ELAC2: variants seen among roughly 807,000 people sequenced by gnomAD.
ELAC2 encodes the protein zinc phosphodiesterase ELAC protein 2.
A neutral mutation model predicts 105.2 loss-of-function variants in ELAC2; 92 were observed. The ratio of observed to expected loss-of-function variants is 0.87; its 90% CI spans 0.74 to 1.04. The LOEUF is 1.04. Ranked by LOEUF, ELAC2 falls within the 50% of genes least tolerant of loss-of-function variation. The pLI, the probability that ELAC2 is intolerant of heterozygous loss-of-function variation, is 0.00. For missense variants in ELAC2, 1,099 were observed against 1,071.7 expected (o/e 1.03, Z -0.36); for synonymous variants, 468 against 409.1 (o/e 1.14, Z -1.74).
At chr17:13,006,386 A>C in intron 8 of ELAC2, 1 of 233,486 alleles carries the variant, frequency 4.3e-6, no homozygotes, top group Non-Finnish European at 8.6e-6. Context: ...AAAAATAAAA[A>C]ATAAAATGAT....
chr17:13,014,456 A>G lies in ELAC2; in HGVS notation c.473T>C (p.Leu158Ser). ...AGACGTACCCAGTTCTATTCCTTTC[A>G]ATGGACCAGAAAATATTTTGATTGC... The part of the protein sequence containing the change: ...LEAIKIFSGP[L>S]KGIELAVRPH... The change falls in exon 5 of 24, where the codon TTG becomes TCG. Residue 158 changes from leucine to serine, a missense_variant. Physicochemically the swap from Leu to Ser is moderately radical, Grantham distance 145 (BLOSUM62 -2). Coordinates refer to ENST00000338034, the MANE Select transcript of ELAC2 (RefSeq NM_018127.7). The G allele has an allele frequency of 6.2e-7, 1 of 1,613,792 alleles. No individual in the cohort carries two copies. The highest frequency in any genetic ancestry group is 8.5e-7 in the Non-Finnish European group (1 of 1,179,696).
chr17:12,997,540 C>G (rs1193064771), intron 16 of ELAC2, among the ~76,000 whole-genome samples: 4 of 152,128 alleles, frequency 2.6e-5, no homozygotes, highest in African/African-American at 9.7e-5. Context: ...AGGTCAAACT[C>G]AAAAAGCCCT....
intron 19 of ELAC2, 95 bp downstream of exon 19, chr17:12,995,608 G>C (rs1029383965): frequency 3.4e-5 from 42 of 1,219,472 alleles, no homozygotes; most frequent in Non-Finnish European, 4.4e-5. Flanking sequence ...AGGCTGCTGG[G>C]GGATATTGGT....
chr17:12,992,453 C>A lies in ELAC2; in HGVS notation c.*365G>T. 4.8e-6 allele frequency: 2 copies of A among 417,916 alleles called. No homozygotes were observed. The highest frequency in any genetic ancestry group is 8.8e-6 in the Non-Finnish European group (2 of 226,034). 25.9% of individuals were successfully genotyped at this position (417,916 alleles called of 1,614,324 possible). A position where few individuals can be genotyped will look rare whatever the true frequency, so the allele number is the denominator to read the frequency against. ...TTCGTTAAGTCTCGGACACTTAGACCCACTGATCCTGTTACTCTGCTTGTC... is the reference window on the plus strand; with the variant it reads ...TTCGTTAAGTCTCGGACACTTAGACACACTGATCCTGTTACTCTGCTTGTC... On this transcript the variant is annotated 3_prime_UTR_variant, in exon 24 of 24. Coordinates refer to ENST00000338034, the MANE Select transcript of ELAC2 (RefSeq NM_018127.7).
intron 14 of ELAC2, 151 bp downstream of exon 14, chr17:13,002,123 C>G: frequency 1.2e-6 from 1 of 848,026 alleles, no homozygotes; most frequent in South Asian, 1.5e-5. Flanking sequence ...GCTTATTGTC[C>G]GTGTTTCTTT....
intron 16 of ELAC2, 137 bp from the exon 17 acceptor site, chr17:12,996,822 T>C (rs2040501283): frequency 1.7e-6 from 2 of 1,181,854 alleles, no homozygotes; most frequent in Admixed American, 2.0e-5. Flanking sequence ...GAGGAGCTAA[T>C]ATAAAAGCCA....
intron 14 of ELAC2, 152 bp downstream of exon 14, chr17:13,002,122 C>T (rs754255819): frequency 3.2e-5 from 27 of 843,862 alleles, no homozygotes; most frequent in Non-Finnish European, 4.6e-5. Flanking sequence ...AGCTTATTGT[C>T]CGTGTTTCTT....
chr17:13,003,394 G>A (rs565662285), intron 12 of ELAC2, 85 bp downstream of exon 12: 384 of 1,263,432 alleles, frequency 3.0e-4, no homozygotes, highest in Non-Finnish European at 4.2e-4. Context: ...GGTAGGTAGC[G>A]CTGGAAAGAG....
rs756921120 is a variant in ELAC2 at position 12,994,965 on chromosome 17, C to T, written c.1906G>A (p.Glu636Lys). ...ATGCCTGCGGCTGTGCCCCTTACCT[C>T]TTCCAAATCACATGTTCGCAACAGC... is the stretch of plus-strand genomic sequence containing the variant. Reference protein sequence around the residue: ...SSLLRTCDLEEFQTCLVRHCK... With the variant: ...SSLLRTCDLEKFQTCLVRHCK... Residue 636 changes from glutamate (E) to lysine (K), a missense_variant and splice_region_variant, in exon 20 of 24, where the codon GAG (glutamate) becomes AAG (lysine). Physicochemically the swap from Glu to Lys is moderately conservative, Grantham distance 56. Transcript: ENST00000338034. 11 of 1,614,200 alleles carry T rather than the reference C, an allele frequency of 6.8e-6. 1 individual carries two copies. The highest frequency in any genetic ancestry group is 9.3e-6 in the Non-Finnish European group (11 of 1,180,034).
At position 13,013,204 on chromosome 17, in the gene ELAC2, C is replaced by G; in HGVS notation, c.559+3G>C. On this transcript the variant is annotated splice_donor_region_variant and intron_variant, in intron 6 of 23. Transcript: ENST00000338034. ...TCCTGGGAAACCTGGCTTTCATACT[C>G]ACTGTGTATGGGGATCTGGTAAACT... 6.2e-7 allele frequency: 1 copy of G among 1,614,154 alleles called. No homozygotes were observed. Among genetic ancestry groups the G allele is most frequent in the Non-Finnish European group, 8.5e-7 (1 of 1,180,018 alleles).
Position 12,995,921 on chromosome 17 carries a change from C to T in ELAC2, c.1698+19G>A, listed in dbSNP as rs762239395. On this transcript the variant is annotated intron_variant, in intron 18 of 23. Transcript: ENST00000338034. ...GTAAACCGCTGAAACTCAGAACGCCCATCAAGTGCCACACTTACCAAGGCG... is the reference window on the plus strand; with the variant it reads ...GTAAACCGCTGAAACTCAGAACGCCTATCAAGTGCCACACTTACCAAGGCG... 6.3e-7 allele frequency: 1 copy of T among 1,590,490 alleles called. No homozygotes were observed. The highest frequency in any genetic ancestry group is 8.6e-7 in the Non-Finnish European group (1 of 1,166,862).
At position 13,002,564 on chromosome 17, in the gene ELAC2, G is replaced by C. The variant is rs748547599; in HGVS notation, c.1095C>G (p.Thr365=). ...AGTTCTCATTCAGGACCAAGTGCTG[G>C]GTGTCAGGCCCAAACCTGTGAAGAA... ...QQWMERFGPD[T]QHLVLNENCA... is the part of the protein sequence containing the mutation. Residue 365 remains threonine (T), a synonymous_variant, in exon 13 of 24, where the codon ACC becomes ACG. Coordinates refer to ENST00000338034, the MANE Select transcript of ELAC2 (RefSeq NM_018127.7). 1 of 1,602,830 alleles carries C rather than the reference G, an allele frequency of 6.2e-7. No individual in the cohort carries two copies. The highest frequency in any genetic ancestry group is 1.1e-5 in the South Asian group (1 of 89,324).
chr17:13,005,499 G>A (rs2041048935), intron 10 of ELAC2, among the ~76,000 whole-genome samples: 1 of 152,160 alleles, frequency 6.6e-6, no homozygotes, highest in Admixed American at 6.5e-5. Context: ...CAAGTACCAA[G>A]GAAAGCATGC....
rs200727566 is a variant in ELAC2 at position 12,995,813 on chromosome 17, C to G, written c.1699-1G>C. On this transcript the variant is annotated splice_acceptor_variant, in intron 18 of 23. Transcript: ENST00000338034. LOFTEE classifies it high-confidence loss of function. The stretch of plus-strand genomic sequence containing the variant: ...GGTGAAGCGGCTTTCCCAAAGATGC[C>G]TGGAACAAAAAATGCAAGTGCCGAC... The G allele has an allele frequency of 6.2e-7, 1 of 1,608,812 alleles. No homozygotes were observed. The highest frequency in any genetic ancestry group is 1.7e-5 in the Admixed American group (1 of 59,310).
At chr17:13,001,384 C>A (rs189955354) in intron 14 of ELAC2, among the ~76,000 whole-genome samples, 1 of 151,962 alleles carries the variant, frequency 6.6e-6, no homozygotes, top group Admixed American at 6.6e-5. Flanking sequence ...TCCAGCTATT[C>A]GGGAGGCTGG....
At position 12,993,757 on chromosome 17, in the gene ELAC2, C is replaced by T. The variant is rs201653482; in HGVS notation, c.2183G>A (p.Arg728His). 9 of 1,614,158 alleles carry T rather than the reference C, an allele frequency of 5.6e-6. No individual in the cohort carries two copies. The highest frequency in any genetic ancestry group is 5.0e-5 in the Admixed American group (3 of 60,024). ...GCTGAAGAGGGGGACCTTGGCATAGCGCTGGCTGAAGTGGTTCAGCATAAT... is the reference window on the plus strand; with the variant it reads ...GCTGAAGAGGGGGACCTTGGCATAGTGCTGGCTGAAGTGGTTCAGCATAAT... ...EFIMLNHFSQ[R>H]YAKVPLFSPN... The change falls in exon 23 of 24, where the codon CGC becomes CAC. Residue 728 changes from arginine to histidine, a missense_variant. Physicochemically the swap from Arg to His is conservative, Grantham distance 29 (BLOSUM62 0). Transcript: ENST00000338034.
rs369253746 is a variant in ELAC2 at position 12,996,737 on chromosome 17, G to A, written c.1521-52C>T. ...ACTGCCACTAGGAAGACTGCTGATG[G>A]TTCAGAGGCTGATGTCTGCTTTGGA... On this transcript the variant is annotated intron_variant, in intron 16 of 23. Transcript: ENST00000338034. The A allele has an allele frequency of 1.6e-5, 26 of 1,599,586 alleles. 1 individual carries two copies. The South Asian group carries it at 2.9e-4, about 18-fold the overall frequency.
chr17:13,002,912 C>T (rs546327485), intron 12 of ELAC2, among the ~76,000 whole-genome samples: 1 of 152,234 alleles, frequency 6.6e-6, no homozygotes, highest in African/African-American at 2.4e-5. Context: ...GGCAGGTAAA[C>T]GGGCCATGTG....
chr17:13,017,570 A>C, intron 1 of ELAC2, 133 bp downstream of exon 1: 1 of 1,485,466 alleles, frequency 6.7e-7, no homozygotes, highest in Non-Finnish European at 9.1e-7. Context: ...CACCCACCAT[A>C]ACTCCACGAA....
Sources: gnomAD v4.1 joint callset for allele counts (sites outside exome capture counted in the v4.1 genomes callset) on GRCh38, gnomAD v4.1.1 for gene constraint, MANE v1.5 for transcripts, NCBI Gene and HGNC (gene_info 2026-07-23, HGNC 2026-07-21) for gene names.